The following ZNF710 variants were observed in gnomAD, a reference collection of about 807,000 sequenced individuals.
ZNF710 encodes the protein zinc finger protein 710.
Under a neutral mutation model 50.6 loss-of-function variants are expected in ZNF710, and 13 were observed. The observed-to-expected ratio is 0.26, with a 90% CI of 0.17 to 0.41. The LOEUF is 0.41. Among genes scored for constraint, ZNF710 ranks in the 10% least tolerant of loss-of-function variants. The pLI is 1.00. For synonymous variants in ZNF710, 383 were observed against 397.0 expected (o/e 0.96, Z 0.42); for missense variants, 721 against 936.6 (o/e 0.77, Z 3.01).
chr15:90,023,378 G>A (rs1185712442), intron 1 of ZNF710, among the ~76,000 whole-genome samples: 1 of 152,206 alleles, frequency 6.6e-6, no homozygotes, highest in African/African-American at 2.4e-5. Context: ...TGACAAACTG[G>A]AAGCCAGCCC....
At chr15:90,064,056 C>G (rs1032520972) in intron 1 of ZNF710, among the ~76,000 whole-genome samples, 2 of 152,228 alleles carry the variant, frequency 1.3e-5, no homozygotes, top group Non-Finnish European at 2.9e-5. Context: ...TCAGTTCCTC[C>G]TTCTTGCTGG....
chr15:90,030,489 T>A (rs1015078899), intron 1 of ZNF710, among the ~76,000 whole-genome samples: 45 of 152,152 alleles, frequency 3.0e-4, no homozygotes, highest in African/African-American at 1.1e-3. Flanking sequence ...TGGGCTTTCA[T>A]TTCCTTGTCT....
At chr15:90,055,428 G>A (rs552872554) in intron 1 of ZNF710, among the ~76,000 whole-genome samples, 3 of 152,224 alleles carry the variant, frequency 2.0e-5, no homozygotes, top group East Asian at 1.9e-4. Flanking sequence ...ACAGCAGCAC[G>A]TTGTGGACTT....
chr15:90,071,819 C>T (rs924199717), intron 2 of ZNF710, among the ~76,000 whole-genome samples: 8 of 151,832 alleles, frequency 5.3e-5, no homozygotes, highest in African/African-American at 1.9e-4. Context: ...GCTGGGATTA[C>T]AGGCGCATAC....
chr15:90,029,095 G>T (rs1898858929), intron 1 of ZNF710, among the ~76,000 whole-genome samples: 1 of 152,204 alleles, frequency 6.6e-6, no homozygotes, highest in Non-Finnish European at 1.5e-5. Flanking sequence ...GGCAGGGAAA[G>T]GCTGTGCTCT....
chr15:90,061,576 C>T (rs1287183944), intron 1 of ZNF710, among the ~76,000 whole-genome samples: 5 of 152,158 alleles, frequency 3.3e-5, no homozygotes, highest in Admixed American at 3.3e-4. Context: ...TCCTGTCGTG[C>T]GAGACCAGGT....
intron 1 of ZNF710, chr15:90,002,431 C>G (rs1898037447): frequency 6.6e-6 from 1 of 152,346 alleles, no homozygotes; most frequent in Admixed American, 6.5e-5. Context: ...CTTGAGCCTC[C>G]CGCGGCTCAG....
In ZNF710 at chr15:90,021,771, A is replaced by C. The variant is rs554968773; in HGVS notation, c.-29+20157A>C. Among the ~76,000 whole-genome samples, 251 of 152,282 alleles carry C rather than the reference A, an allele frequency of 1.6e-3. 1 individual carries two copies. The highest frequency in any genetic ancestry group is 5.9e-3 in the African/African-American group (246 of 41,562). The stretch of plus-strand genomic sequence containing the variant: ...AGACTGCTTGGTGGAGGTGGTGTCT[A>C]GCTGAGTCCTAGCAGACAAAGGCGG... On this transcript the variant is annotated intron_variant, in intron 1 of 4. Transcript: ENST00000268154.
chr15:90,077,427 G>T (rs1296734194), intron 4 of ZNF710, among the ~76,000 whole-genome samples: 1 of 151,954 alleles, frequency 6.6e-6, no homozygotes, highest in Non-Finnish European at 1.5e-5. Context: ...TGTATTTTTA[G>T]TAGAGACGGG....
chr15:89,999,697 G>C (rs909014768), upstream of ZNF710, among the ~76,000 whole-genome samples: 1 of 151,364 alleles, frequency 6.6e-6, no homozygotes, highest in Non-Finnish European at 1.5e-5. Context: ...TGGGGCTCTC[G>C]TTTCTAAAGG....
At chr15:90,025,984 T>C (rs1898763208) in intron 1 of ZNF710, 1 of 151,738 alleles carries the variant, frequency 6.6e-6, no homozygotes, top group South Asian at 2.1e-4. Flanking sequence ...GCTTTTATTA[T>C]TAAAAAGGGA....
At position 90,062,442 on chromosome 15, in the gene ZNF710, G is replaced by T. The variant is rs79339183; in HGVS notation, c.-28-4668G>T. On this transcript the variant is annotated intron_variant, in intron 1 of 4. Transcript: ENST00000268154. The surrounding 1 kb of genome is among the most constrained non-coding windows in gnomAD (Gnocchi z 5.6). The stretch of plus-strand genomic sequence containing the variant: ...GAGCTCCCCTTTCTCCTGGACATGG[G>T]GGGAGCTTTTGTTCTGAGTCCTTAG... Among the ~76,000 whole-genome samples, 2 of 152,184 alleles carry T rather than the reference G, an allele frequency of 1.3e-5. No homozygotes were observed. Among genetic ancestry groups the T allele is most frequent in the Admixed American group, 1.3e-4 (2 of 15,282 alleles).
At position 90,079,733 on chromosome 15, in the gene ZNF710, G is replaced by C. The variant is rs1227517221; in HGVS notation, c.1899G>C (p.Glu633Asp). 3 of 1,613,858 alleles carry C rather than the reference G, an allele frequency of 1.9e-6. No individual in the cohort carries two copies. The highest frequency in any genetic ancestry group is 1.3e-5 in the African/African-American group (1 of 74,926). Residue 633 changes from glutamate to aspartate, a missense_variant, in exon 5 of 5, where the codon GAG becomes GAC. Physicochemically the swap from Glu to Asp is conservative, Grantham distance 45. Coordinates refer to ENST00000268154, the MANE Select transcript of ZNF710 (RefSeq NM_198526.4). ...DGQQEMEDFE[E>D]NAYSYASVDS... is the part of the protein sequence containing the mutation. Reference sequence around the variant, plus strand: ...AGCAGGAGATGGAGGACTTCGAGGAGAACGCCTACAGCTATGCGAGCGTGG... The same window carrying C: ...AGCAGGAGATGGAGGACTTCGAGGACAACGCCTACAGCTATGCGAGCGTGG...
chr15:90,046,667 C>G (rs903868483), intron 1 of ZNF710, among the ~76,000 whole-genome samples: 2 of 152,036 alleles, frequency 1.3e-5, no homozygotes, highest in East Asian at 1.9e-4. Context: ...TCTGAAGCCC[C>G]GTGATATGGT....
Position 90,080,756 on chromosome 15 carries a change from C to T in ZNF710, c.*927C>T, listed in dbSNP as rs1900703008. ...GTGTCCACCTTGCGACGGGGATAGC[C>T]ACGAGTCAGCAGCTTCCCGGAAAGA... On this transcript the variant is annotated 3_prime_UTR_variant, in exon 5 of 5. Coordinates refer to ENST00000268154, the MANE Select transcript of ZNF710 (RefSeq NM_198526.4). 6.6e-6 allele frequency: 1 copy of T among 152,192 alleles called. No homozygotes were observed. The highest frequency in any genetic ancestry group is 1.5e-5 in the Non-Finnish European group (1 of 68,044). 9.4% of individuals were successfully genotyped at this position (152,192 alleles called of 1,614,324 possible).
intron 1 of ZNF710, among the ~76,000 whole-genome samples, chr15:90,020,464 G>A (rs1043062119): frequency 7.0e-6 from 1 of 142,060 alleles, no homozygotes; most frequent in African/African-American, 2.7e-5. Flanking sequence ...CATGGGGGCT[G>A]GTGGAGGCCC....
intron 1 of ZNF710, chr15:90,025,526 T>A (rs1473476896): frequency 6.6e-6 from 1 of 152,238 alleles, no homozygotes; most frequent in Non-Finnish European, 1.5e-5. Context: ...CCTCACAGCC[T>A]TTTTCATTGC....
At position 90,045,160 on chromosome 15, in the gene ZNF710, A is replaced by G. The variant is rs531425902; in HGVS notation, c.-28-21950A>G. Among the ~76,000 whole-genome samples, 17 of 152,140 alleles carry G rather than the reference A, an allele frequency of 1.1e-4. No homozygotes were observed. The South Asian group carries it at 3.3e-3, about 30-fold the overall frequency. ...TGTCAACTCACTAAGGTAATCATCC[A>G]TTTACTGTGGCTGCTGGAGGGCGGA... On this transcript the variant is annotated intron_variant, in intron 1 of 4. Coordinates refer to ENST00000268154, the MANE Select transcript of ZNF710 (RefSeq NM_198526.4).
chr15:90,015,355 A>C (rs547828082), intron 1 of ZNF710, among the ~76,000 whole-genome samples: 35 of 152,348 alleles, frequency 2.3e-4, no homozygotes, highest in South Asian at 1.0e-3. Context: ...ATAGAGGTGT[A>C]AATCAGTACA....
Sources: gnomAD v4.1 joint callset for allele counts (sites outside exome capture counted in the v4.1 genomes callset) on GRCh38, gnomAD v4.1.1 for gene constraint, Gnocchi (gnomAD v3.1) non-coding constraint, MANE v1.5 for transcripts, NCBI Gene and HGNC (gene_info 2026-07-23, HGNC 2026-07-21) for gene names.